NAV1: variants seen among roughly 807,000 people sequenced by gnomAD.
NAV1 encodes pore membrane and/or filament interacting like protein 3.
In NAV1, 18 loss-of-function variants were observed where a neutral mutation model predicts 175.2. The observed-to-expected ratio is 0.10, with a 90% CI of 0.07 to 0.15. The LOEUF (loss-of-function observed/expected upper bound fraction) is 0.15, where lower values mean the gene tolerates loss of function less well. Ranked by LOEUF, NAV1 falls within the 10% of genes least tolerant of loss-of-function variation. The pLI is 1.00. For synonymous variants in NAV1, 897 were observed against 978.7 expected (o/e 0.92, Z 1.56); for missense variants, 1,731 against 2,436.6 (o/e 0.71, Z 6.10).
At chr1:201,818,388 C>T (rs1041673022) in intron 29 of NAV1, among the ~76,000 whole-genome samples, 7 of 151,958 alleles carry the variant, frequency 4.6e-5, no homozygotes, top group African/African-American at 1.2e-4. Context: ...ATTAGCCAGG[C>T]GTGGTGGCAG....
At chr1:201,811,576 C>T (rs753869945) in intron 24 of NAV1, 27 bp from the exon 29 acceptor site, 1 of 1,613,862 alleles carries the variant, frequency 6.2e-7, no homozygotes, top group Non-Finnish European at 8.5e-7. Flanking sequence ...TTCCCAAGTG[C>T]TGACCCACAG....
intron 3 of NAV1, among the ~76,000 whole-genome samples, chr1:201,752,212 A>C (rs1170649723): frequency 6.8e-6 from 1 of 147,424 alleles, no homozygotes; most frequent in South Asian, 2.4e-4. Flanking sequence ...CAAGAGGTCT[A>C]TAAAAATTAC....
Position 201,718,813 on chromosome 1 carries a change from C to A in NAV1, c.1226+58C>A. 1 of 1,546,342 alleles carries A rather than the reference C, an allele frequency of 6.5e-7. No individual in the cohort carries two copies. The highest frequency in any genetic ancestry group is 8.8e-7 in the Non-Finnish European group (1 of 1,142,802). ...GGATGGTGGAAAGACCACTGGGATG[C>A]GACGCCTTAAAAGTGGAGTGGAACC... On this transcript the variant is annotated intron_variant, in intron 3 of 29. Coordinates refer to ENST00000367296, the Ensembl canonical transcript of NAV1. The surrounding 1 kb of genome is among the most constrained non-coding windows in gnomAD (Gnocchi z 4.8).
intron 1 of NAV1, among the ~76,000 whole-genome samples, chr1:201,700,734 G>C (rs111475276): frequency 6.6e-6 from 1 of 152,090 alleles, no homozygotes; most frequent in Non-Finnish European, 1.5e-5. Flanking sequence ...GCACATTGCC[G>C]GGCGCAATGG....
intron 3 of NAV1, among the ~76,000 whole-genome samples, chr1:201,767,309 G>A (rs1436758791): frequency 7.4e-6 from 1 of 135,936 alleles, no homozygotes; most frequent in African/African-American, 2.7e-5. Flanking sequence ...AAATTAGCTG[G>A]GCATGGTGGT....
At chr1:201,638,076 G>A (rs955937748) in intron 2 of NAV1, among the ~76,000 whole-genome samples, 2 of 152,148 alleles carry the variant, frequency 1.3e-5, no homozygotes, top group African/African-American at 4.8e-5. Context: ...CCTACTAGAA[G>A]CCCCTGAGCA....
At position 201,671,159 on chromosome 1, in the gene NAV1, G is replaced by A. The variant is rs932324778; in HGVS notation, c.757+21734G>A. 6.6e-5 allele frequency among the ~76,000 whole-genome samples: 10 copies of A among 152,194 alleles called. No homozygotes were observed. The East Asian group carries it at 7.7e-4, about 12-fold the overall frequency. ...AAACGGTATTACCGAGCCCAGGACC[G>A]TGCTGGATACTGTGGAGTTCTAGAA... On this transcript the variant is annotated intron_variant, in intron 1 of 29. Transcript: ENST00000367296.
rs187645770 is a variant in NAV1 at position 201,632,100 on chromosome 1, A to G, written c.4+2593A>G. ...TCTCTCTGTCTTCCAAGCTCACTGA[A>G]TGGGTTTGGGGGGTGAGTGCAGAGT... is the stretch of plus-strand genomic sequence containing the variant. On this transcript the variant is annotated intron_variant, in intron 2 of 29. Transcript: ENST00000367302. Among the ~76,000 whole-genome samples the G allele has an allele frequency of 1.8e-3, 272 of 151,982 alleles. 1 individual carries two copies. Among genetic ancestry groups the G allele is most frequent in the African/African-American group, 6.2e-3 (258 of 41,426 alleles).
chr1:201,704,107 A>G (rs915807942), intron 1 of NAV1, among the ~76,000 whole-genome samples: 3 of 152,228 alleles, frequency 2.0e-5, no homozygotes, highest in African/African-American at 7.2e-5. Context: ...CCCAGAAGCC[A>G]GGCCCTGCTC....
intron 17 of NAV1, among the ~76,000 whole-genome samples, chr1:201,806,190 G>A (rs371607609): frequency 1.1e-4 from 16 of 151,874 alleles, no homozygotes; most frequent in Admixed American, 3.3e-4. Flanking sequence ...TCACCATCTC[G>A]GCCAGGCTAG....
In NAV1 at chr1:201,715,589, C is replaced by T. The variant is rs116027314; in HGVS notation, c.860+2670C>T. ...GGCAGGGAGGCACCTGCCAGAGTCACGCTGGCTGATGAGGGTAGGTTCTGT... is the reference window on the plus strand; with the variant it reads ...GGCAGGGAGGCACCTGCCAGAGTCATGCTGGCTGATGAGGGTAGGTTCTGT... On this transcript the variant is annotated intron_variant, in intron 2 of 29. Transcript: ENST00000367296. Among the ~76,000 whole-genome samples the T allele has an allele frequency of 6.2e-3, 951 of 152,280 alleles. 12 individuals are homozygous for T. Among genetic ancestry groups the T allele is most frequent in the African/African-American group, 0.021 (884 of 41,548 alleles).
At chr1:201,729,617 C>T (rs1181845904) in intron 3 of NAV1, among the ~76,000 whole-genome samples, 1 of 150,734 alleles carries the variant, frequency 6.6e-6, no homozygotes, top group African/African-American at 2.4e-5. Context: ...TAAAAAATAA[C>T]ACTTGGTGGC....
intron 1 of NAV1, among the ~76,000 whole-genome samples, chr1:201,565,004 A>G (rs1004350579): frequency 6.6e-6 from 1 of 152,194 alleles, no homozygotes; most frequent in African/African-American, 2.4e-5. Context: ...AATCCAAGAT[A>G]CCCTACCCAT....
chr1:201,676,848 C>A (rs971028177), intron 1 of NAV1, among the ~76,000 whole-genome samples: 2 of 152,108 alleles, frequency 1.3e-5, no homozygotes, highest in African/African-American at 2.4e-5. Flanking sequence ...AAATAGCAGC[C>A]CACAAACTTG....
chr1:201,633,452 T>G (rs1483332716), intron 2 of NAV1, among the ~76,000 whole-genome samples: 1 of 152,074 alleles, frequency 6.6e-6, no homozygotes, highest in Admixed American at 6.5e-5. Context: ...ATCCCAGGCT[T>G]GTCAAAAGGC....
intron 1 of NAV1, among the ~76,000 whole-genome samples, chr1:201,660,261 A>G (rs72739972): frequency 0.05 from 7,617 of 152,292 alleles, 254 homozygotes; most frequent in Non-Finnish European, 0.073. Flanking sequence ...GGCAGCAGAC[A>G]TGAGAGTGGC....
intron 1 of NAV1, among the ~76,000 whole-genome samples, chr1:201,558,018 C>T (rs918257757): frequency 6.6e-6 from 1 of 152,210 alleles, no homozygotes; most frequent in African/African-American, 2.4e-5. Flanking sequence ...TGAAACAGAA[C>T]TGGGTTTCTA....
chr1:201,809,551 T>C lies in NAV1; in HGVS notation c.4401+14T>C. ...CAAGTGTTCAAGGTAAAGGGATACC[T>C]GTACTCAAAAAGGTTGTTCATCCTC... On this transcript the variant is annotated intron_variant, in intron 22 of 29. Transcript: ENST00000367296. 6.2e-7 allele frequency: 1 copy of C among 1,610,860 alleles called. No individual in the cohort carries two copies. Among genetic ancestry groups the C allele is most frequent in the Non-Finnish European group, 8.5e-7 (1 of 1,177,630 alleles).
In NAV1 at chr1:201,545,109, T is replaced by C. The variant is rs1665629791; in HGVS notation, c.-144+5767T>C. Among the ~76,000 whole-genome samples the C allele has an allele frequency of 2.0e-5, 3 of 152,240 alleles. No homozygotes were observed. The South Asian group carries it at 6.2e-4, about 32-fold the overall frequency. On this transcript the variant is annotated intron_variant, in intron 1 of 33. Coordinates refer to the NAV1 transcript ENST00000685211. ...GACTCTGTTTCTTCCCCAGGAAAAG[T>C]GGAATGAAAATGCCTTACTCCTGGG... is the stretch of plus-strand genomic sequence containing the variant.
Sources: allele counts gnomAD v4.1 joint callset (sites outside exome capture counted in the v4.1 genomes callset), GRCh38; gene constraint gnomAD v4.1.1; non-coding constraint Gnocchi (gnomAD v3.1); transcripts MANE v1.5; gene names NCBI Gene and HGNC (gene_info 2026-07-23, HGNC 2026-07-21).